Variants in CARMIL1 observed in about 807,000 individuals in gnomAD.
The protein encoded by CARMIL1 is F-actin-uncapping protein LRRC16A.
CARMIL1 carries 90 observed loss-of-function variants against 177.1 expected under a neutral mutation model. The ratio of observed to expected loss-of-function variants is 0.51; its 90% CI spans 0.43 to 0.61. The LOEUF is 0.61. Among genes scored for constraint, CARMIL1 ranks in the 20% least tolerant of loss-of-function variants. The pLI is 0.00. For synonymous variants in CARMIL1, 577 were observed against 606.2 expected (o/e 0.95, Z 0.71); for missense variants, 1,380 against 1,667.0 (o/e 0.83, Z 3.00).
In CARMIL1 at chr6:25,450,754, TCCTCCCTCCCTTCCTCCCTCC is replaced by T. The variant is rs780965529; in HGVS notation, c.614+66_614+86del. The T allele has an allele frequency of 2.3e-3, 1,120 of 493,936 alleles. 33 individuals carry two copies. The highest frequency in any genetic ancestry group is 0.02 in the East Asian group (582 of 29,200). 30.6% of individuals were successfully genotyped at this position (493,936 alleles called of 1,614,324 possible). A position where few individuals can be genotyped will look rare whatever the true frequency, so the allele number is the denominator to read the frequency against. On this transcript the variant is annotated intron_variant, in intron 8 of 36. Coordinates refer to ENST00000329474, the MANE Select transcript of CARMIL1 (RefSeq NM_017640.6). ...TTCTTTCCTCCTTTCCTCCCTCCCT[TCCTCCCTCCCTTCCTCCCTCC>T]CCTCCCTCCCTTCCTCCCTCCCTTC...
chr6:25,547,637 G>T (rs1809643768), intron 26 of CARMIL1, among the ~76,000 whole-genome samples: 1 of 152,180 alleles, frequency 6.6e-6, no homozygotes, highest in African/African-American at 2.4e-5. Flanking sequence ...GGGGATGTAA[G>T]ATGGGACTTC....
intron 8 of CARMIL1, among the ~76,000 whole-genome samples, chr6:25,460,464 G>A (rs532895433): frequency 1.0e-3 from 152 of 152,174 alleles, no homozygotes; most frequent in Non-Finnish European, 2.0e-3. Flanking sequence ...GTTTGTTCTG[G>A]CTGTCATGGT....
chr6:25,563,405 C>A lies in CARMIL1; in HGVS notation c.2742+6555C>A, dbSNP rs569366810. ...GTTTTTAAATACTAAGGATGTAATT[C>A]TTGTCTGTATATATGTATGTGAGAG... On this transcript the variant is annotated intron_variant, in intron 29 of 36. Transcript: ENST00000329474. 1.5e-4 allele frequency: 150 copies of A among 985,140 alleles called. 2 individuals are homozygous for A. The South Asian group carries it at 4.1e-3, about 27-fold the overall frequency. The allele number at this position is 985,140 out of a possible 1,614,324, so 61.0% of individuals were successfully genotyped here.
At chr6:25,442,815 T>G (rs1797898848) in intron 5 of CARMIL1, among the ~76,000 whole-genome samples, 1 of 152,184 alleles carries the variant, frequency 6.6e-6, no homozygotes, top group Non-Finnish European at 1.5e-5. Context: ...CGCACAGATG[T>G]CTCCCCTAGC....
chr6:25,555,348 T>A (rs1258043726), intron 28 of CARMIL1, among the ~76,000 whole-genome samples: 3 of 151,972 alleles, frequency 2.0e-5, no homozygotes, highest in African/African-American at 7.3e-5. Context: ...TGATTCAGCC[T>A]TTTTTTAAAT....
intron 2 of CARMIL1, among the ~76,000 whole-genome samples, chr6:25,367,204 G>A (rs1413650527): frequency 6.6e-6 from 1 of 152,150 alleles, no homozygotes; most frequent in Non-Finnish European, 1.5e-5. Flanking sequence ...TTTGGTGGAA[G>A]GGGGATCTGT....
At chr6:25,607,359 A>G (rs138417852) in intron 35 of CARMIL1, among the ~76,000 whole-genome samples, 408 of 152,292 alleles carry the variant, frequency 2.7e-3, no homozygotes, top group African/African-American at 8.0e-3. Context: ...ATAAAAATAG[A>G]TAGTCAGATC....
At chr6:25,617,153 T>C (rs1225848163) in intron 36 of CARMIL1, among the ~76,000 whole-genome samples, 1 of 152,214 alleles carries the variant, frequency 6.6e-6, no homozygotes. Flanking sequence ...TTTGGAAGCC[T>C]GGTGTCAGTG....
chr6:25,385,333 T>C (rs1191373332), intron 2 of CARMIL1, among the ~76,000 whole-genome samples: 1 of 152,182 alleles, frequency 6.6e-6, no homozygotes, highest in Admixed American at 6.5e-5. Context: ...TGGGGAAGTC[T>C]ATGAACGGGA....
At chr6:25,396,169 C>CTT (rs11402440) in intron 2 of CARMIL1, among the ~76,000 whole-genome samples, 14 of 149,994 alleles carry the variant, frequency 9.3e-5, no homozygotes, top group Admixed American at 3.3e-4. Context: ...AATTATTCTG[C>CTT]TTTTTTTTTT....
At chr6:25,474,897 G>T (rs1418878079) in intron 11 of CARMIL1, among the ~76,000 whole-genome samples, 1 of 152,172 alleles carries the variant, frequency 6.6e-6, no homozygotes, top group African/African-American at 2.4e-5. Context: ...TTAAGCAAAT[G>T]AAATCTAGAG....
chr6:25,595,587 G>A (rs971252634), intron 32 of CARMIL1, among the ~76,000 whole-genome samples: 1 of 152,084 alleles, frequency 6.6e-6, no homozygotes, highest in Non-Finnish European at 1.5e-5. Context: ...TGAAGCTTTT[G>A]TGGGACTGCT....
intron 29 of CARMIL1, among the ~76,000 whole-genome samples, chr6:25,576,026 C>T (rs1812552363): frequency 6.6e-6 from 1 of 152,136 alleles, no homozygotes; most frequent in Non-Finnish European, 1.5e-5. Context: ...GAAAGGATCC[C>T]TCAACCCCTG....
At chr6:25,612,784 G>A (rs1816604289) in intron 36 of CARMIL1, 2 of 985,352 alleles carry the variant, frequency 2.0e-6, no homozygotes, top group Non-Finnish European at 2.4e-6. Context: ...TCATGACAGT[G>A]GCAAGCCTTC....
chr6:25,376,977 C>G (rs1791049467), intron 2 of CARMIL1, among the ~76,000 whole-genome samples: 1 of 152,160 alleles, frequency 6.6e-6, no homozygotes, highest in Non-Finnish European at 1.5e-5. Context: ...ACTCCTGACC[C>G]AGAGTTCCAG....
intron 31 of CARMIL1, among the ~76,000 whole-genome samples, chr6:25,592,729 C>T (rs1197515774): frequency 6.6e-6 from 1 of 152,134 alleles, no homozygotes; most frequent in Non-Finnish European, 1.5e-5. Context: ...GCCATGTTCC[C>T]CCTAGGCACC....
chr6:25,491,354 AAGTGATTAGCATTTTGATAG>A (rs920083119), intron 13 of CARMIL1, among the ~76,000 whole-genome samples: 1 of 152,164 alleles, frequency 6.6e-6, no homozygotes, highest in Non-Finnish European at 1.5e-5. Context: ...ACACTTTCAA[AAGTGATTAGCATTTTGATAG>A]AGTGATTGCA....
At chr6:25,488,771 A>G (rs1802917460) in intron 13 of CARMIL1, among the ~76,000 whole-genome samples, 186 bp downstream of exon 13, 1 of 152,192 alleles carries the variant, frequency 6.6e-6, no homozygotes, top group Admixed American at 6.5e-5. Context: ...ATTAAATGTC[A>G]TATATCACCA....
chr6:25,547,481 A>G (rs1235716934), intron 26 of CARMIL1, among the ~76,000 whole-genome samples: 1 of 152,204 alleles, frequency 6.6e-6, no homozygotes, highest in Non-Finnish European at 1.5e-5. Flanking sequence ...AGACCCATAC[A>G]TATATTCAAA....
Sources: gnomAD v4.1 joint callset for allele counts (sites outside exome capture counted in the v4.1 genomes callset) on GRCh38, gnomAD v4.1.1 for gene constraint, MANE v1.5 for transcripts, NCBI Gene and HGNC (gene_info 2026-07-23, HGNC 2026-07-21) for gene names.